Variants in ERICH1 observed in about 807,000 individuals in gnomAD.
ERICH1 encodes glutamate rich 1, also known as glutamate-rich protein 1.
ERICH1 carries 56 observed loss-of-function variants against 39.6 expected under a neutral mutation model. That is an observed-to-expected ratio of 1.41 (90% CI 1.14 to 1.77). The LOEUF (loss-of-function observed/expected upper bound fraction) is 1.77. Ranked by LOEUF, ERICH1 falls within the 40% of genes most tolerant of loss-of-function variation. The probability of loss-of-function intolerance (pLI) is 0.00; values close to 1 mark genes in which losing one functional copy is unlikely to be tolerated. For synonymous variants in ERICH1, 313 were observed against 223.6 expected, an observed-to-expected ratio of 1.40 and a Z score of -3.57; for missense variants, 826 against 575.4, an observed-to-expected ratio of 1.44 and a Z score of -4.45.
intron 3 of ERICH1, among the ~76,000 whole-genome samples, chr8:684,963 G>A (rs1040040703): frequency 1.3e-5 from 2 of 152,230 alleles, no homozygotes; most frequent in Non-Finnish European, 2.9e-5. Flanking sequence ...TGCTGATGAA[G>A]TTTCATGTTC....
In ERICH1 at chr8:664,242, A is replaced by C. The variant is rs1801852108; in HGVS notation, c.*361T>G. 1.0e-6 allele frequency: 1 copy of C among 997,488 alleles called. No homozygotes were observed. The highest frequency in any genetic ancestry group is 5.9e-5 in the Admixed American group (1 of 16,968). The allele number at this position is 997,488 out of a possible 1,614,324, so 61.8% of individuals were successfully genotyped here. On this transcript the variant is annotated 3_prime_UTR_variant, in exon 6 of 6. Transcript: ENST00000262109. ...TTTAATACCCAGAAAGCATTCTTAA[A>C]GCAGAGACTTTCAGATACAAGGTGA...
intron 3 of ERICH1, among the ~76,000 whole-genome samples, chr8:690,358 G>C (rs186050118): frequency 1.2e-3 from 183 of 152,350 alleles, no homozygotes; most frequent in African/African-American, 4.2e-3. Flanking sequence ...GCACAGGTCT[G>C]CCTGTCTTCA....
At chr8:620,967 T>A (rs1224736890) in intron 3 of ERICH1, among the ~76,000 whole-genome samples, 2 of 152,192 alleles carry the variant, frequency 1.3e-5, no homozygotes, top group East Asian at 3.8e-4. Flanking sequence ...GCAGAATACA[T>A]ATTCTCAAGT....
At chr8:702,062 G>A (rs1812265458) in intron 2 of ERICH1, among the ~76,000 whole-genome samples, 2 of 129,402 alleles carry the variant, frequency 1.5e-5, no homozygotes, top group Admixed American at 1.8e-4. Flanking sequence ...CGGTGACAGA[G>A]CGGGACTACA....
At chr8:658,015 A>C (rs2131721732) in intron 3 of ERICH1, among the ~76,000 whole-genome samples, 1 of 152,250 alleles carries the variant, frequency 6.6e-6, no homozygotes, top group East Asian at 1.9e-4. Context: ...GAGGGGCCCC[A>C]CCCGATCCCC....
At chr8:731,059 C>T in intron 1 of ERICH1, 81 bp downstream of exon 1, 1 of 1,354,256 alleles carries the variant, frequency 7.4e-7, no homozygotes, top group South Asian at 1.7e-5. Flanking sequence ...GGGCCGGGGT[C>T]GGGGTCCCGA....
At position 713,768 on chromosome 8, in the gene ERICH1, GA is replaced by G. The variant is rs1481635449; in HGVS notation, c.169+2092del. 5.9e-5 allele frequency among the ~76,000 whole-genome samples: 9 copies of G among 152,296 alleles called. No homozygotes were observed. In the East Asian group the frequency reaches 1.7e-3, roughly 29 times the overall value. ...TGCGCAGCTCCATTATAAGGTGTGT[GA>G]AAACCAGAGACCACGCAGCTCTCAG... On this transcript the variant is annotated intron_variant, in intron 2 of 5. Transcript: ENST00000262109.
At chr8:672,959 A>G (rs1030418661) in intron 4 of ERICH1, among the ~76,000 whole-genome samples, 1 of 152,082 alleles carries the variant, frequency 6.6e-6, no homozygotes, top group African/African-American at 2.4e-5. Context: ...ATGCCAACAC[A>G]CTCCAAAACC....
chr8:681,146 C>T (rs1806030388), intron 3 of ERICH1, among the ~76,000 whole-genome samples: 1 of 152,174 alleles, frequency 6.6e-6, no homozygotes, highest in Non-Finnish European at 1.5e-5. Context: ...CACCCCACTT[C>T]CCCTGCTGTC....
chr8:697,219 C>G (rs918252920), intron 2 of ERICH1, among the ~76,000 whole-genome samples: 1 of 152,212 alleles, frequency 6.6e-6, no homozygotes, highest in Non-Finnish European at 1.5e-5. Context: ...GGTGCTGAGG[C>G]TCCCGTCCAT....
At chr8:685,253 G>T (rs1440058096) in intron 3 of ERICH1, among the ~76,000 whole-genome samples, 1 of 152,130 alleles carries the variant, frequency 6.6e-6, no homozygotes, top group Non-Finnish European at 1.5e-5. Flanking sequence ...TCTCTTACCC[G>T]TTTTCGGCAA....
chr8:677,113 G>C (rs1004812415), intron 3 of ERICH1, among the ~76,000 whole-genome samples: 1 of 152,242 alleles, frequency 6.6e-6, no homozygotes, highest in Non-Finnish European at 1.5e-5. Flanking sequence ...ACCCTGCAGA[G>C]GGTGAGCTCC....
rs559543604 is a variant in ERICH1, at chr8:625,366, G to T, written c.977-10082C>A. On this transcript the variant is annotated intron_variant, in intron 3 of 3. Transcript: ENST00000522706. ...CCACGACGCTGAGTTAAAGAAGCCG[G>T]ACAAAGGAGGCCAGGTAGTGTCGTG... 7.9e-5 allele frequency among the ~76,000 whole-genome samples: 12 copies of T among 152,298 alleles called. No individual in the cohort carries two copies. In the South Asian group the frequency reaches 2.5e-3, roughly 32 times the overall value.
At chr8:679,222 C>T (rs142379674) in intron 3 of ERICH1, among the ~76,000 whole-genome samples, 10 of 132,354 alleles carry the variant, frequency 7.6e-5, no homozygotes, top group Non-Finnish European at 1.5e-4. Flanking sequence ...TGACCCCTCA[C>T]AGCTCCCAAC....
rs151253201 is a variant in ERICH1 at position 682,134 on chromosome 8, C to T, written c.305-8087G>A. Among the ~76,000 whole-genome samples, 294 of 152,246 alleles carry T rather than the reference C, an allele frequency of 1.9e-3. 2 individuals carry two copies. The highest frequency in any genetic ancestry group is 6.5e-3 in the African/African-American group (271 of 41,536). On this transcript the variant is annotated intron_variant, in intron 3 of 5. Coordinates refer to ENST00000262109, the MANE Select transcript of ERICH1 (RefSeq NM_207332.3). ...GTGTAAAACCCCATTGTGGTGGTCCCTGCACCTAGGGTGATGTCCTGAATG... is the reference window on the plus strand; with the variant it reads ...GTGTAAAACCCCATTGTGGTGGTCCTTGCACCTAGGGTGATGTCCTGAATG...
intron 3 of ERICH1, among the ~76,000 whole-genome samples, chr8:679,275 AG>A (rs1805569091): frequency 7.4e-6 from 1 of 134,938 alleles, no homozygotes; most frequent in African/African-American, 2.9e-5. Context: ...GATCCCTCAC[AG>A]CTCCTACTGC....
intron 3 of ERICH1, chr8:627,239 C>G (rs1797641274): frequency 2.2e-6 from 1 of 456,082 alleles, no homozygotes; most frequent in African/African-American, 2.0e-5. Flanking sequence ...GACTTCCCAC[C>G]TGGAAGTTGG....
At chr8:663,782 T>C (rs1315305654), downstream of ERICH1, among the ~76,000 whole-genome samples, 1 of 152,014 alleles carries the variant, frequency 6.6e-6, no homozygotes, top group Admixed American at 6.5e-5. Context: ...TATTTTGAGC[T>C]GGAGTCTCGC....
chr8:641,453 CAA>C (rs912537378), intron 3 of ERICH1, among the ~76,000 whole-genome samples: 5 of 152,184 alleles, frequency 3.3e-5, no homozygotes, highest in African/African-American at 7.2e-5. Flanking sequence ...GAAATTTATG[CAA>C]AGTTACATTG....
Sources: gnomAD v4.1 joint callset for allele counts (sites outside exome capture counted in the v4.1 genomes callset) on GRCh38, gnomAD v4.1.1 for gene constraint, MANE v1.5 for transcripts, NCBI Gene and HGNC (gene_info 2026-07-23, HGNC 2026-07-21) for gene names.